The following SETD7 variants were observed in gnomAD, a reference collection of about 807,000 sequenced individuals.
SETD7 encodes histone-lysine N-methyltransferase SETD7.
SETD7 carries 16 observed loss-of-function variants against 41.8 expected under a neutral mutation model. The observed-to-expected ratio is 0.38, with a 90% confidence interval of 0.26 to 0.58. SETD7 has a LOEUF of 0.58. Among genes scored for constraint, SETD7 ranks in the 20% least tolerant of loss-of-function variants. The pLI is 0.64. For missense variants in SETD7, 346 were observed against 459.7 expected (o/e 0.75, Z 2.26); for synonymous variants, 163 against 169.7 (o/e 0.96, Z 0.31).
chr4:139,512,152 A>G (rs1347392581), intron 7 of SETD7, among the ~76,000 whole-genome samples: 4 of 152,222 alleles, frequency 2.6e-5, no homozygotes, highest in Non-Finnish European at 5.9e-5. Flanking sequence ...CCTTGCATTT[A>G]TAAACCAACA....
chr4:139,526,273 A>AT (rs1727328066), intron 4 of SETD7, among the ~76,000 whole-genome samples: 1 of 147,846 alleles, frequency 6.8e-6, no homozygotes, highest in African/African-American at 2.6e-5. Context: ...CACTCTCAAC[A>AT]ATTTTTTTTT....
chr4:139,512,752 C>CTTTTTTTTTTTTT (rs140570195), intron 7 of SETD7, among the ~76,000 whole-genome samples: 8 of 75,514 alleles, frequency 1.1e-4, no homozygotes, highest in East Asian at 4.8e-4. Flanking sequence ...TTTTCTTATT[C>CTTTTTTTTTTTTT]TTTTTTTTTT....
chr4:139,555,991 A>G lies in SETD7; in HGVS notation c.40+107T>C. The G allele has an allele frequency of 8.5e-7, 1 of 1,174,834 alleles. No homozygotes were observed. The highest frequency in any genetic ancestry group is 1.2e-6 in the Non-Finnish European group (1 of 856,758). 72.8% of individuals were successfully genotyped at this position (1,174,834 alleles called of 1,614,324 possible). On this transcript the variant is annotated intron_variant, in intron 1 of 7. Transcript: ENST00000274031. The surrounding 1 kb of genome is among the most constrained non-coding windows in gnomAD (Gnocchi z 4.0). ...GGGCAACCGGCCACCCGTGTAGGGG[A>G]CAGTGGCGGCCGCGGGGCCCGGCGC...
intron 2 of SETD7, among the ~76,000 whole-genome samples, chr4:139,543,695 G>T (rs747978794): frequency 2.6e-5 from 4 of 151,626 alleles, no homozygotes; most frequent in Admixed American, 1.3e-4. Flanking sequence ...GCTCACACCC[G>T]TAATCCCAGC....
intron 1 of SETD7, among the ~76,000 whole-genome samples, chr4:139,554,178 G>A (rs143493809): frequency 1.2e-4 from 18 of 152,188 alleles, no homozygotes; most frequent in African/African-American, 4.1e-4. Context: ...TTCTCAAGGG[G>A]GTTCTGATTT....
At chr4:139,504,736 G>A (rs947893680), downstream of SETD7, among the ~76,000 whole-genome samples, 1 of 152,126 alleles carries the variant, frequency 6.6e-6, no homozygotes, top group Non-Finnish European at 1.5e-5. Flanking sequence ...GTATAGCTGG[G>A]ATGGTTACTA....
At chr4:139,544,551 G>A (rs903600008) in intron 2 of SETD7, among the ~76,000 whole-genome samples, 5 of 152,110 alleles carry the variant, frequency 3.3e-5, no homozygotes, top group South Asian at 2.1e-4. Flanking sequence ...GAGAAGACAG[G>A]TGCCCAGGAA....
At chr4:139,516,337 G>A (rs1358429288) in intron 7 of SETD7, among the ~76,000 whole-genome samples, 1 of 151,836 alleles carries the variant, frequency 6.6e-6, no homozygotes, top group African/African-American at 2.4e-5. Context: ...ATAATGGCAG[G>A]TGCCTGTAAT....
chr4:139,551,873 A>T (rs1728119070), intron 1 of SETD7, among the ~76,000 whole-genome samples: 1 of 152,218 alleles, frequency 6.6e-6, no homozygotes, highest in Non-Finnish European at 1.5e-5. Context: ...TTGAAAAACA[A>T]AAAACAACAA....
At chr4:139,505,088 GAAGTGTGAT>G (rs1320778416), downstream of SETD7, among the ~76,000 whole-genome samples, 1 of 152,094 alleles carries the variant, frequency 6.6e-6, no homozygotes, top group Admixed American at 6.5e-5. Context: ...TCCATGGAAG[GAAGTGTGAT>G]AAAATCAAGG....
At chr4:139,518,396 T>A (rs942100688) in intron 6 of SETD7, among the ~76,000 whole-genome samples, 3 of 152,158 alleles carry the variant, frequency 2.0e-5, no homozygotes, top group Admixed American at 6.5e-5. Context: ...CCCAAAGTGT[T>A]GGGATTACAG....
intron 2 of SETD7, among the ~76,000 whole-genome samples, chr4:139,539,662 T>A: frequency 6.6e-6 from 1 of 152,252 alleles, no homozygotes; most frequent in East Asian, 1.9e-4. Flanking sequence ...AAGAAAACTT[T>A]CTGCTACGGA....
At chr4:139,544,815 TGTGTG>T (rs1318565560) in intron 2 of SETD7, among the ~76,000 whole-genome samples, 5 of 151,746 alleles carry the variant, frequency 3.3e-5, no homozygotes, top group African/African-American at 1.2e-4. Context: ...TGTGTGTGTG[TGTGTG>T]TGTGTGTGTT....
chr4:139,496,819 T>C (rs1726464536), intron 7 of SETD7, among the ~76,000 whole-genome samples: 1 of 152,224 alleles, frequency 6.6e-6, no homozygotes, highest in African/African-American at 2.4e-5. Flanking sequence ...TTTCTGGCTG[T>C]GTTCCACATA....
rs17050790 is a variant in SETD7, at chr4:139,510,777, T to C, written c.*886A>G. On this transcript the variant is annotated 3_prime_UTR_variant, in exon 8 of 8. Coordinates refer to ENST00000274031, the MANE Select transcript of SETD7 (RefSeq NM_030648.4). ...AAAATTACTAGCACTACTGAAAATA[T>C]TGCAAAATTGCCATAGTTACCGCTT... 0.077 allele frequency: 11,745 copies of C among 152,640 alleles called. 882 individuals are homozygous for C. Among genetic ancestry groups the C allele is most frequent in the African/African-American group, 0.2 (8,382 of 41,508 alleles). 9.5% of individuals were successfully genotyped at this position (152,640 alleles called of 1,614,324 possible).
chr4:139,531,777 A>G (rs1392131703), intron 3 of SETD7, among the ~76,000 whole-genome samples: 1 of 152,052 alleles, frequency 6.6e-6, no homozygotes. Flanking sequence ...GCACTTTTTA[A>G]TCATAAGGTT....
intron 7 of SETD7, among the ~76,000 whole-genome samples, chr4:139,515,308 G>C (rs1726996952): frequency 6.6e-6 from 1 of 151,972 alleles, no homozygotes; most frequent in African/African-American, 2.4e-5. Context: ...CTAAGATTTG[G>C]TCACCCTGGG....
At chr4:139,496,485 G>C (rs1726457585) in exon 8 of SETD7, 1 of 702,348 alleles carries the variant, frequency 1.4e-6, no homozygotes, top group Non-Finnish European at 2.6e-6. Flanking sequence ...CCCCAAATCT[G>C]CTTCTTTTAC....
Position 139,529,051 on chromosome 4 carries a change from T to C in SETD7, c.542A>G (p.His181Arg). The C allele has an allele frequency of 1.9e-6, 3 of 1,614,000 alleles. No individual in the cohort carries two copies. In the South Asian group the frequency reaches 3.3e-5, roughly 18 times the overall value. The change falls in exon 4 of 8, where the codon CAC (histidine) becomes CGC (arginine). Residue 181 changes from histidine to arginine, a missense_variant. By Grantham distance (29) the His-to-Arg change is conservative. This residue lies in a region of SETD7 where 266 missense variants were observed against 377.0 expected (regional missense o/e 0.71). Coordinates refer to ENST00000274031, the MANE Select transcript of SETD7 (RefSeq NM_030648.4). ...TLMSTEEGRP[H>R]FELMPGNSVY... ...CTTACTTCCAGGCATCAGTTCAAAG[T>C]GAGGCCTCCCTTCTTCAGTGGACAT...
Sources: allele counts gnomAD v4.1 joint callset (sites outside exome capture counted in the v4.1 genomes callset), GRCh38; gene constraint gnomAD v4.1.1; regional missense constraint gnomAD v4.1.1; non-coding constraint Gnocchi (gnomAD v3.1); transcripts MANE v1.5; gene names NCBI Gene and HGNC (gene_info 2026-07-23, HGNC 2026-07-21).